The following SSBP3 variants were observed in gnomAD, a reference collection of about 807,000 sequenced individuals.
SSBP3 encodes single-stranded DNA-binding protein 3.
SSBP3 carries 5 observed loss-of-function variants against 69.6 expected under a neutral mutation model. That is an observed-to-expected ratio of 0.07 (90% CI 0.04 to 0.15). The LOEUF (loss-of-function observed/expected upper bound fraction) is 0.15. Ranked by LOEUF, SSBP3 falls within the 10% of genes least tolerant of loss-of-function variation. The pLI is 1.00. For missense variants in SSBP3, 312 were observed against 534.0 expected, an observed-to-expected ratio of 0.58 and a Z score of 4.10; for synonymous variants, 196 against 193.4, an observed-to-expected ratio of 1.01 and a Z score of -0.11.
At chr1:54,228,226 G>T (rs775487322) in intron 17 of SSBP3, 29 bp downstream of exon 17, 3 of 1,599,786 alleles carry the variant, frequency 1.9e-6, no homozygotes, top group Non-Finnish European at 1.7e-6. Context: ...CCGTGGGGAC[G>T]AGAGCAACAG....
At chr1:54,271,363 C>T (rs1302262068) in intron 5 of SSBP3, among the ~76,000 whole-genome samples, 1 of 152,194 alleles carries the variant, frequency 6.6e-6, no homozygotes, top group African/African-American at 2.4e-5. Flanking sequence ...CTGCCTCGGC[C>T]TCTCAAAGTG....
At chr1:54,405,932 C>G in intron 1 of SSBP3, 21 bp downstream of exon 1, 3 of 1,338,566 alleles carry the variant, frequency 2.2e-6, no homozygotes, top group Non-Finnish European at 2.9e-6. Context: ...GCGCGGCCGC[C>G]ACTTGCAAAA....
At chr1:54,244,055 A>T (rs1225051019) in intron 9 of SSBP3, among the ~76,000 whole-genome samples, 1 of 151,934 alleles carries the variant, frequency 6.6e-6, no homozygotes, top group African/African-American at 2.4e-5. Flanking sequence ...TGAGCCTCTC[A>T]TGTAGTTGGG....
chr1:54,313,327 C>A (rs1230063124), intron 4 of SSBP3, among the ~76,000 whole-genome samples: 1 of 151,916 alleles, frequency 6.6e-6, no homozygotes, highest in Non-Finnish European at 1.5e-5. Context: ...CAGTCTATAA[C>A]CCTTCTTTCT....
At chr1:54,368,529 A>G (rs1272104408) in intron 4 of SSBP3, among the ~76,000 whole-genome samples, 1 of 152,010 alleles carries the variant, frequency 6.6e-6, no homozygotes, top group Non-Finnish European at 1.5e-5. Flanking sequence ...TGCCTGAAGC[A>G]TTTCTGAAAC....
chr1:54,369,032 G>A (rs1647076184), intron 4 of SSBP3, among the ~76,000 whole-genome samples: 1 of 152,120 alleles, frequency 6.6e-6, no homozygotes, highest in South Asian at 2.1e-4. Flanking sequence ...ACAAGTAGAT[G>A]GCTCCATTTT....
intron 4 of SSBP3, among the ~76,000 whole-genome samples, chr1:54,374,882 A>G (rs1647191657): frequency 6.6e-6 from 1 of 152,230 alleles, no homozygotes; most frequent in Admixed American, 6.5e-5. Context: ...AAGGTCATAC[A>G]GCCGAAGCAC....
intron 4 of SSBP3, among the ~76,000 whole-genome samples, chr1:54,393,255 T>C (rs1407517942): frequency 6.6e-6 from 1 of 152,162 alleles, no homozygotes; most frequent in Non-Finnish European, 1.5e-5. Context: ...TGTGACTTGC[T>C]CCTCCAATCA....
At chr1:54,273,765 G>T (rs1472536876) in intron 5 of SSBP3, among the ~76,000 whole-genome samples, 1 of 152,216 alleles carries the variant, frequency 6.6e-6, no homozygotes, top group Non-Finnish European at 1.5e-5. Flanking sequence ...TTGGCAGCAG[G>T]GCTGGTATCC....
intron 5 of SSBP3, among the ~76,000 whole-genome samples, chr1:54,264,841 G>A (rs1020672118): frequency 2.6e-5 from 4 of 152,192 alleles, no homozygotes; most frequent in East Asian, 1.9e-4. Context: ...ACACATCCTC[G>A]TCCCTCCTGA....
chr1:54,314,960 G>A (rs1424181749), intron 4 of SSBP3, among the ~76,000 whole-genome samples: 1 of 152,118 alleles, frequency 6.6e-6, no homozygotes, highest in Non-Finnish European at 1.5e-5. Flanking sequence ...AAGAACGGCA[G>A]AGCTTGTCAC....
At chr1:54,289,042 A>AAAAAAAAAAAAAAAAAAAG (rs1645553485) in intron 4 of SSBP3, among the ~76,000 whole-genome samples, 1 of 54,758 alleles carries the variant, frequency 1.8e-5, no homozygotes, top group Admixed American at 1.4e-4. Flanking sequence ...AAAAACAAAA[A>AAAAAAAAAAAAAAAAAAAG]AACAAAAAAA....
chr1:54,233,602 C>T (rs1644428311), intron 14 of SSBP3, among the ~76,000 whole-genome samples: 1 of 146,992 alleles, frequency 6.8e-6, no homozygotes, highest in Non-Finnish European at 1.5e-5. Context: ...GGTCAGCCCC[C>T]TGCCCGGCCA....
intron 4 of SSBP3, among the ~76,000 whole-genome samples, chr1:54,390,638 T>C (rs1369440353): frequency 6.6e-6 from 1 of 152,262 alleles, no homozygotes; most frequent in African/African-American, 2.4e-5. Flanking sequence ...TCCCCGATGC[T>C]GAAATGCTCT....
At chr1:54,304,925 A>C (rs548309981) in intron 4 of SSBP3, among the ~76,000 whole-genome samples, 12 of 152,236 alleles carry the variant, frequency 7.9e-5, no homozygotes, top group Admixed American at 5.2e-4. Flanking sequence ...GACCACCACC[A>C]CCACCCCCAC....
At chr1:54,407,467 T>A (rs1176209948), upstream of SSBP3, among the ~76,000 whole-genome samples, 1 of 151,828 alleles carries the variant, frequency 6.6e-6, no homozygotes, top group African/African-American at 2.4e-5. Flanking sequence ...GCTGGCAGAG[T>A]GACCCAGCTA....
chr1:54,268,743 T>G (rs1202396438), intron 5 of SSBP3, among the ~76,000 whole-genome samples: 1 of 152,124 alleles, frequency 6.6e-6, no homozygotes, highest in Non-Finnish European at 1.5e-5. Context: ...TCTGTTAAGA[T>G]GAAGCAACAG....
chr1:54,387,054 A>G (rs1305606311), intron 4 of SSBP3, among the ~76,000 whole-genome samples: 1 of 152,208 alleles, frequency 6.6e-6, no homozygotes, highest in Non-Finnish European at 1.5e-5. Context: ...TCCATGAAGT[A>G]AGAACATCCG....
chr1:54,260,960 G>T (rs1645007843), intron 5 of SSBP3, among the ~76,000 whole-genome samples: 1 of 152,214 alleles, frequency 6.6e-6, no homozygotes, highest in Non-Finnish European at 1.5e-5. Flanking sequence ...TCTCCCACCT[G>T]CAGTGAAGCG....
Sources: allele counts gnomAD v4.1 joint callset (sites outside exome capture counted in the v4.1 genomes callset), GRCh38; gene constraint gnomAD v4.1.1; transcripts MANE v1.5; gene names NCBI Gene and HGNC (gene_info 2026-07-23, HGNC 2026-07-21).